KIF6: variants seen among roughly 807,000 people sequenced by gnomAD.
KIF6 encodes kinesin family member 6.
In KIF6, 106 loss-of-function variants were observed where a neutral mutation model predicts 112.7. That is an observed-to-expected ratio of 0.94 (90% CI 0.80 to 1.11). The LOEUF is 1.11. Ranked by LOEUF, KIF6 falls within the 50% of genes least tolerant of loss-of-function variation. The probability of loss-of-function intolerance (pLI) is 0.00; values close to 1 mark genes in which losing one functional copy is unlikely to be tolerated. For synonymous variants in KIF6, 339 were observed against 339.9 expected (o/e 1.00, Z 0.03); for missense variants, 929 against 964.0 (o/e 0.96, Z 0.48).
At chr6:39,414,422 G>T (rs1769747539) in intron 15 of KIF6, among the ~76,000 whole-genome samples, 1 of 152,186 alleles carries the variant, frequency 6.6e-6, no homozygotes, top group Admixed American at 6.5e-5. Flanking sequence ...TGAAACACAT[G>T]TGGGACACTG....
chr6:39,643,347 G>T (rs1785006055), intron 3 of KIF6, among the ~76,000 whole-genome samples: 1 of 152,160 alleles, frequency 6.6e-6, no homozygotes, highest in Non-Finnish European at 1.5e-5. Flanking sequence ...AAAGTCAAGG[G>T]ACACAGAATA....
chr6:39,442,546 C>A (rs1037286482), intron 13 of KIF6, among the ~76,000 whole-genome samples: 8 of 152,176 alleles, frequency 5.3e-5, no homozygotes, highest in Non-Finnish European at 8.8e-5. Context: ...ATTTTGGAGC[C>A]AGCTTAGGCA....
chr6:39,459,509 C>CA, intron 13 of KIF6, among the ~76,000 whole-genome samples: 1 of 11,168 alleles, frequency 9.0e-5, no homozygotes, highest in East Asian at 2.6e-3. Flanking sequence ...CAACAAAAGC[C>CA]AAAATTGACA....
At chr6:39,548,103 T>G (rs1200602570) in intron 10 of KIF6, among the ~76,000 whole-genome samples, 2 of 152,238 alleles carry the variant, frequency 1.3e-5, no homozygotes, top group Admixed American at 1.3e-4. Context: ...CAGACAATAT[T>G]AAGTTGGAAG....
chr6:39,452,701 GT>G (rs1167903222), intron 13 of KIF6, among the ~76,000 whole-genome samples: 1 of 152,206 alleles, frequency 6.6e-6, no homozygotes, highest in Admixed American at 6.5e-5. Flanking sequence ...AGAGCAGGAT[GT>G]GAAAAAGGAG....
chr6:39,471,864 G>C (rs1774134017), intron 13 of KIF6, among the ~76,000 whole-genome samples: 1 of 152,198 alleles, frequency 6.6e-6, no homozygotes, highest in Non-Finnish European at 1.5e-5. Flanking sequence ...ATCTGGAATA[G>C]AGTAAATTGT....
At chr6:39,442,695 T>C (rs1158716297) in intron 13 of KIF6, among the ~76,000 whole-genome samples, 3 of 152,190 alleles carry the variant, frequency 2.0e-5, no homozygotes, top group Admixed American at 1.3e-4. Context: ...GGATGTCTAA[T>C]TCCAGGCTCA....
At chr6:39,674,226 GA>G (rs1787002013) in intron 3 of KIF6, among the ~76,000 whole-genome samples, 1 of 152,074 alleles carries the variant, frequency 6.6e-6, no homozygotes, top group African/African-American at 2.4e-5. Flanking sequence ...AAGATATATG[GA>G]AAAATCAGCC....
intron 4 of KIF6, among the ~76,000 whole-genome samples, chr6:39,636,328 A>G (rs1321197146): frequency 6.6e-6 from 1 of 152,030 alleles, no homozygotes; most frequent in African/African-American, 2.4e-5. Context: ...AAAACACTCA[A>G]GCTACAGCTG....
intron 6 of KIF6, among the ~76,000 whole-genome samples, chr6:39,610,690 T>C (rs1783168269): frequency 6.6e-6 from 1 of 152,200 alleles, no homozygotes; most frequent in African/African-American, 2.4e-5. Flanking sequence ...GCTTTCAAGG[T>C]ATAAACTAAG....
chr6:39,701,645 G>A (rs145233072), intron 3 of KIF6, among the ~76,000 whole-genome samples: 35 of 152,306 alleles, frequency 2.3e-4, no homozygotes, highest in East Asian at 1.4e-3. Flanking sequence ...TGGACTGCAC[G>A]AGGCCCAGGC....
chr6:39,723,086 T>TG (rs1277638384), intron 1 of KIF6, among the ~76,000 whole-genome samples: 1 of 152,134 alleles, frequency 6.6e-6, no homozygotes, highest in East Asian at 1.9e-4. Context: ...GCTAAGAATC[T>TG]GGGGGGAAAT....
chr6:39,350,487 T>G (rs185435744), intron 19 of KIF6, among the ~76,000 whole-genome samples: 1 of 152,232 alleles, frequency 6.6e-6, no homozygotes, highest in East Asian at 1.9e-4. Flanking sequence ...GGGACCATGA[T>G]AGTAGGCACA....
At chr6:39,539,395 G>T (rs1341813466) in intron 13 of KIF6, among the ~76,000 whole-genome samples, 6 of 152,116 alleles carry the variant, frequency 3.9e-5, no homozygotes, top group Non-Finnish European at 1.5e-5. Context: ...CCAGGCAGGA[G>T]TGTAGTGGCC....
At chr6:39,687,129 A>G (rs1787917866) in intron 3 of KIF6, among the ~76,000 whole-genome samples, 1 of 152,170 alleles carries the variant, frequency 6.6e-6, no homozygotes, top group Non-Finnish European at 1.5e-5. Context: ...CACAAGCCCA[A>G]GAGGATGGAA....
chr6:39,518,663 T>C (rs1006549685), intron 13 of KIF6, among the ~76,000 whole-genome samples: 17 of 152,316 alleles, frequency 1.1e-4, no homozygotes, highest in Middle Eastern at 6.8e-3. Context: ...ATCCAGACAG[T>C]GCTTGTACAT....
chr6:39,465,831 G>A (rs1773750557), intron 13 of KIF6, among the ~76,000 whole-genome samples: 1 of 152,174 alleles, frequency 6.6e-6, no homozygotes. Context: ...GATTTTGCAT[G>A]CCTCTGTTCT....
intron 13 of KIF6, among the ~76,000 whole-genome samples, chr6:39,525,711 GA>G (rs1369506513): frequency 1.3e-5 from 2 of 152,078 alleles, no homozygotes; most frequent in Non-Finnish European, 2.9e-5. Context: ...AGAATCCCTT[GA>G]ACCTGGGAGG....
chr6:39,499,689 T>A (rs1776007445), intron 13 of KIF6, among the ~76,000 whole-genome samples: 1 of 152,146 alleles, frequency 6.6e-6, no homozygotes, highest in Non-Finnish European at 1.5e-5. Context: ...AAGCACATCC[T>A]CCCTTCCCCC....
Sources: allele counts gnomAD v4.1 joint callset (sites outside exome capture counted in the v4.1 genomes callset), GRCh38; gene constraint gnomAD v4.1.1; transcripts MANE v1.5; gene names NCBI Gene and HGNC (gene_info 2026-07-23, HGNC 2026-07-21).